The following TMTC2 variants were observed in gnomAD, a reference collection of about 807,000 sequenced individuals.
TMTC2 encodes protein O-mannosyl-transferase TMTC2.
A neutral mutation model predicts 82.4 loss-of-function variants in TMTC2; 43 were observed. The ratio of observed to expected loss-of-function variants is 0.52; its 90% CI spans 0.41 to 0.67. TMTC2 has a LOEUF of 0.67. Among genes scored for constraint, TMTC2 ranks in the 30% least tolerant of loss-of-function variants. TMTC2 has a pLI of 0.00. For synonymous variants in TMTC2, 408 were observed against 381.9 expected, an observed-to-expected ratio of 1.07 and a Z score of -0.80; for missense variants, 919 against 1,012.4, an observed-to-expected ratio of 0.91 and a Z score of 1.25.
intron 3 of TMTC2, among the ~76,000 whole-genome samples, chr12:82,905,075 T>C (rs993315586): frequency 6.6e-6 from 1 of 151,758 alleles, no homozygotes; most frequent in Non-Finnish European, 1.5e-5. Context: ...TCAATAAATA[T>C]ACAATTGAAT....
intron 9 of TMTC2, among the ~76,000 whole-genome samples, chr12:83,039,078 C>T (rs1458014560): frequency 2.0e-5 from 3 of 151,940 alleles, no homozygotes; most frequent in Non-Finnish European, 2.9e-5. Context: ...ATTATAGGCA[C>T]CCGCCACCAT....
intron 1 of TMTC2, among the ~76,000 whole-genome samples, chr12:82,702,187 A>T (rs1304155438): frequency 6.6e-6 from 1 of 152,248 alleles, no homozygotes; most frequent in African/African-American, 2.4e-5. Context: ...ACAGTGGAAA[A>T]TGAGCAAGTT....
At chr12:82,901,886 C>CTAT (rs75967112) in intron 3 of TMTC2, among the ~76,000 whole-genome samples, 13,976 of 152,086 alleles carry the variant, frequency 0.092, 806 homozygotes, top group Non-Finnish European at 0.13. Flanking sequence ...CTGTAATCAA[C>CTAT]TATTATTATA....
At chr12:82,803,411 G>T (rs1316643494) in intron 1 of TMTC2, among the ~76,000 whole-genome samples, 3 of 152,080 alleles carry the variant, frequency 2.0e-5, no homozygotes, top group African/African-American at 4.8e-5. Context: ...ATGACGGTTG[G>T]CTGCCAGCAC....
chr12:82,955,174 A>T (rs1877548235), intron 4 of TMTC2, among the ~76,000 whole-genome samples: 1 of 152,208 alleles, frequency 6.6e-6, no homozygotes, highest in Non-Finnish European at 1.5e-5. Context: ...GTTTAAAAGC[A>T]TTCCTGGACT....
chr12:83,016,700 T>A (rs927414372), intron 8 of TMTC2, among the ~76,000 whole-genome samples: 3 of 152,172 alleles, frequency 2.0e-5, no homozygotes, highest in African/African-American at 7.2e-5. Context: ...ACATAATGAT[T>A]CCTGGTAGTG....
intron 8 of TMTC2, among the ~76,000 whole-genome samples, chr12:83,018,662 G>A (rs1880782062): frequency 2.8e-5 from 1 of 35,418 alleles, no homozygotes. Flanking sequence ...AAAATTTGCG[G>A]GTTTTTTTTT....
intron 4 of TMTC2, among the ~76,000 whole-genome samples, chr12:82,954,592 C>T (rs939048688): frequency 3.9e-5 from 6 of 152,194 alleles, no homozygotes; most frequent in Non-Finnish European, 8.8e-5. Context: ...TAAGCAGAAT[C>T]CTGTTTCCCT....
chr12:82,690,284 G>C, intron 1 of TMTC2: 1 of 633,164 alleles, frequency 1.6e-6, no homozygotes. Context: ...GCTTAAACTA[G>C]ACCTGTGGAT....
At chr12:82,834,839 A>G (rs1295025134) in intron 1 of TMTC2, among the ~76,000 whole-genome samples, 1 of 152,112 alleles carries the variant, frequency 6.6e-6, no homozygotes, top group African/African-American at 2.4e-5. Context: ...GTTATAAATT[A>G]TGTCACATAA....
intron 3 of TMTC2, among the ~76,000 whole-genome samples, chr12:82,925,986 T>G (rs1875684809): frequency 1.5e-5 from 1 of 66,304 alleles, no homozygotes; most frequent in Admixed American, 1.7e-4. Flanking sequence ...ATTGTTTTTT[T>G]TTTTTGTTTT....
intron 1 of TMTC2, among the ~76,000 whole-genome samples, chr12:82,711,944 T>C (rs1040500120): frequency 6.6e-6 from 1 of 152,170 alleles, no homozygotes; most frequent in Non-Finnish European, 1.5e-5. Flanking sequence ...TTCTCCTCCT[T>C]CTTGTTGTTT....
intron 1 of TMTC2, among the ~76,000 whole-genome samples, chr12:82,798,344 G>A (rs192208228): frequency 5.3e-5 from 8 of 150,726 alleles, no homozygotes; most frequent in Middle Eastern, 3.4e-3. Flanking sequence ...GGCCGAGGCC[G>A]GTGGATGGCG....
chr12:83,085,008 G>A (rs1052211030), intron 11 of TMTC2, among the ~76,000 whole-genome samples: 1 of 152,136 alleles, frequency 6.6e-6, no homozygotes, highest in African/African-American at 2.4e-5. Context: ...GGATCTATTG[G>A]GTAAGTAAAG....
At chr12:82,972,772 T>C (rs960042462) in intron 7 of TMTC2, among the ~76,000 whole-genome samples, 6 of 152,190 alleles carry the variant, frequency 3.9e-5, no homozygotes, top group Non-Finnish European at 7.4e-5. Flanking sequence ...TTTAGGTCTG[T>C]ACATTATGTT....
chr12:82,854,357 C>A (rs11115461), intron 1 of TMTC2, among the ~76,000 whole-genome samples: 6,019 of 152,208 alleles, frequency 0.04, 385 homozygotes, highest in African/African-American at 0.14. Flanking sequence ...CTCAATCTTA[C>A]TGCTCTGCTC....
chr12:82,802,332 C>T (rs1332536597), intron 1 of TMTC2, among the ~76,000 whole-genome samples: 2 of 152,206 alleles, frequency 1.3e-5, no homozygotes, highest in African/African-American at 4.8e-5. Flanking sequence ...GCCTCTCCCT[C>T]CACACCTCCC....
chr12:82,976,157 AT>A (rs1009924145), intron 7 of TMTC2, among the ~76,000 whole-genome samples: 2 of 152,118 alleles, frequency 1.3e-5, no homozygotes, highest in African/African-American at 4.8e-5. Context: ...TGGCTTTGAC[AT>A]TTGTGGATTG....
intron 1 of TMTC2, among the ~76,000 whole-genome samples, chr12:82,821,250 C>T (rs1449804243): frequency 6.6e-6 from 1 of 152,154 alleles, no homozygotes; most frequent in East Asian, 1.9e-4. Context: ...TGAATCCTGA[C>T]AAAGCAAATA....
Sources: gnomAD v4.1 joint callset for allele counts (sites outside exome capture counted in the v4.1 genomes callset) on GRCh38, gnomAD v4.1.1 for gene constraint, MANE v1.5 for transcripts, NCBI Gene and HGNC (gene_info 2026-07-23, HGNC 2026-07-21) for gene names.